Variants in MALRD1 observed in about 807,000 individuals in gnomAD.
MALRD1 encodes the protein MAM and LDL-receptor class A domain-containing protein 1.
Under a neutral mutation model 242.1 loss-of-function variants are expected in MALRD1, and 247 were observed. That is an observed-to-expected ratio of 1.02 (90% CI 0.92 to 1.13). The LOEUF (loss-of-function observed/expected upper bound fraction) is 1.13, where lower values mean the gene tolerates loss of function less well. Among genes scored for constraint, MALRD1 ranks in the 50% most tolerant of loss-of-function variants. The pLI is 0.00. For synonymous variants in MALRD1, 995 were observed against 866.6 expected, an observed-to-expected ratio of 1.15 and a Z score of -2.60; for missense variants, 2,989 against 2,533.1, an observed-to-expected ratio of 1.18 and a Z score of -3.86.
chr10:19,087,304 T>C (rs923984002), intron 2 of MALRD1, among the ~76,000 whole-genome samples: 7 of 152,172 alleles, frequency 4.6e-5, no homozygotes, highest in Middle Eastern at 3.4e-3. Flanking sequence ...ATGTGATAAA[T>C]TGGGTTGCGA....
intron 18 of MALRD1, among the ~76,000 whole-genome samples, chr10:19,228,031 G>A (rs189846254): frequency 2.2e-4 from 34 of 152,218 alleles, no homozygotes; most frequent in Admixed American, 2.2e-3. Flanking sequence ...CAGACATTTT[G>A]GAAAGCAGTT....
chr10:19,297,183 G>A (rs1003425598), intron 21 of MALRD1, among the ~76,000 whole-genome samples: 1 of 151,086 alleles, frequency 6.6e-6, no homozygotes, highest in East Asian at 1.9e-4. Context: ...TGAGTTTTAA[G>A]TAAACAATAA....
In MALRD1 at chr10:19,328,760, A is replaced by C. The variant is rs188966368; in HGVS notation, c.3687+1087A>C. ...CTTATGAATCACTTTTAGATAATTT[A>C]GGATATGCATAAGAAGGAAGTTCAA... On this transcript the variant is annotated intron_variant, in intron 23 of 39. Coordinates refer to ENST00000454679, the MANE Select transcript of MALRD1 (RefSeq NM_001142308.3). Among the ~76,000 whole-genome samples, 368 of 152,282 alleles carry C rather than the reference A, an allele frequency of 2.4e-3. 2 individuals are homozygous for C. The highest frequency in any genetic ancestry group is 8.0e-3 in the African/African-American group (332 of 41,582).
chr10:19,149,167 G>A (rs973826386), intron 11 of MALRD1, among the ~76,000 whole-genome samples: 3 of 151,822 alleles, frequency 2.0e-5, no homozygotes, highest in African/African-American at 4.8e-5. Context: ...TCAGGCTGGA[G>A]TGCAGTGGTG....
At chr10:19,681,823 T>A (rs1409953288) in intron 36 of MALRD1, among the ~76,000 whole-genome samples, 3 of 151,482 alleles carry the variant, frequency 2.0e-5, no homozygotes, top group Non-Finnish European at 4.4e-5. Context: ...TTAAGGCTAC[T>A]GACCTTTGGA....
intron 17 of MALRD1, 35 bp from the exon 18 acceptor site, chr10:19,209,233 A>C: frequency 6.8e-7 from 1 of 1,465,576 alleles, no homozygotes; most frequent in Non-Finnish European, 9.0e-7. Context: ...TTTTGTCCCT[A>C]ATTATCTTTT....
chr10:19,237,022 A>G (rs963809872), intron 18 of MALRD1, among the ~76,000 whole-genome samples: 5 of 152,024 alleles, frequency 3.3e-5, no homozygotes, highest in Non-Finnish European at 5.9e-5. Context: ...CATTGTAATT[A>G]TATAGATTTA....
At chr10:19,114,885 G>A (rs1256799458) in intron 5 of MALRD1, among the ~76,000 whole-genome samples, 1 of 152,108 alleles carries the variant, frequency 6.6e-6, no homozygotes, top group Non-Finnish European at 1.5e-5. Context: ...TTCTCCCTGT[G>A]TCTTCACATG....
chr10:19,514,087 A>G (rs1833524698), intron 31 of MALRD1, among the ~76,000 whole-genome samples: 1 of 152,218 alleles, frequency 6.6e-6, no homozygotes, highest in Non-Finnish European at 1.5e-5. Context: ...CAGGAACCTA[A>G]CAGAATAAAA....
intron 36 of MALRD1, among the ~76,000 whole-genome samples, chr10:19,660,784 T>C (rs1326977): frequency 0.1 from 15,412 of 152,176 alleles, 1,967 homozygotes; most frequent in African/African-American, 0.3. Context: ...TAGTTAGCCA[T>C]AGTTCTCATC....
At chr10:19,276,780 C>A (rs17728811) in intron 19 of MALRD1, among the ~76,000 whole-genome samples, 7,941 of 152,104 alleles carry the variant, frequency 0.052, 257 homozygotes, top group Middle Eastern at 0.075. Flanking sequence ...TGAGTATATC[C>A]AACTGGATGT....
At chr10:19,481,626 T>A (rs972362078) in intron 29 of MALRD1, among the ~76,000 whole-genome samples, 1 of 152,158 alleles carries the variant, frequency 6.6e-6, no homozygotes, top group Non-Finnish European at 1.5e-5. Context: ...TATGTAAATA[T>A]GAATCTTCTA....
intron 31 of MALRD1, among the ~76,000 whole-genome samples, chr10:19,529,899 A>G (rs572202983): frequency 1.3e-5 from 2 of 152,090 alleles, no homozygotes; most frequent in Non-Finnish European, 2.9e-5. Context: ...TAATTAGATC[A>G]TTACTCCAAG....
intron 24 of MALRD1, among the ~76,000 whole-genome samples, chr10:19,347,491 A>T (rs992099968): frequency 3.9e-5 from 6 of 152,176 alleles, no homozygotes; most frequent in African/African-American, 1.4e-4. Context: ...AATTATATTG[A>T]CCAAATAGGT....
At chr10:19,539,852 T>TTGTGTGTGTGTGTGTG (rs1589217850) in intron 32 of MALRD1, among the ~76,000 whole-genome samples, 1 of 64,330 alleles carries the variant, frequency 1.6e-5, no homozygotes, top group African/African-American at 5.1e-5. Flanking sequence ...ACACCCAGCT[T>TTGTGTGTGTGTGTGTG]TGTGCGTGTG....
chr10:19,719,154 T>TTATA (rs1300235132), intron 38 of MALRD1, among the ~76,000 whole-genome samples: 2 of 58,194 alleles, frequency 3.4e-5, no homozygotes, highest in Non-Finnish European at 6.5e-5. Flanking sequence ...ACTGTCCAAA[T>TTATA]TATATATATA....
chr10:19,242,537 T>C (rs961763763), intron 18 of MALRD1, among the ~76,000 whole-genome samples: 3 of 152,112 alleles, frequency 2.0e-5, no homozygotes, highest in Non-Finnish European at 4.4e-5. Context: ...CCTACTAATA[T>C]TGTATTGCAG....
At chr10:19,238,750 C>T (rs79923649) in intron 18 of MALRD1, among the ~76,000 whole-genome samples, 3,328 of 149,144 alleles carry the variant, frequency 0.022, 117 homozygotes, top group African/African-American at 0.076. Flanking sequence ...GTTATGTGAT[C>T]GAATGATTGT....
chr10:19,530,423 A>ATATTATATAAT (rs371117447), intron 31 of MALRD1, among the ~76,000 whole-genome samples: 1 of 77,844 alleles, frequency 1.3e-5, no homozygotes, highest in Non-Finnish European at 2.6e-5. Flanking sequence ...ATAATAATAA[A>ATATTATATAAT]TATATAATAT....
Sources: allele counts gnomAD v4.1 joint callset (sites outside exome capture counted in the v4.1 genomes callset), GRCh38; gene constraint gnomAD v4.1.1; transcripts MANE v1.5; gene names NCBI Gene and HGNC (gene_info 2026-07-23, HGNC 2026-07-21).